The following PCDHGA6 variants were observed in gnomAD, a reference collection of about 807,000 sequenced individuals.
The protein encoded by PCDHGA6 is protocadherin gamma subfamily A, 6, also known as protocadherin gamma-A6.
In PCDHGA6, 41 loss-of-function variants were observed where a neutral mutation model predicts 60.6. The observed-to-expected ratio is 0.68, with a 90% CI of 0.53 to 0.88. The LOEUF (loss-of-function observed/expected upper bound fraction) is 0.88, where lower values mean the gene tolerates loss of function less well. Among genes scored for constraint, PCDHGA6 ranks in the 40% least tolerant of loss-of-function variants. The pLI is 0.00. For missense variants in PCDHGA6, 1,312 were observed against 1,203.0 expected (o/e 1.09, Z -1.34); for synonymous variants, 594 against 524.4 (o/e 1.13, Z -1.81).
rs1326296096 is a variant in PCDHGA6, at chr5:141,505,460, A to G, written c.2551A>G (p.Met851Val). The change falls in exon 3 of 4, where the codon ATG becomes GTG. Residue 851 changes from methionine to valine, a missense_variant. Transcript: ENST00000517434. Reference protein sequence around the residue: ...NQFDTEMLQAMILASASEAAD... With the variant: ...NQFDTEMLQAVILASASEAAD... ...GTTTGACACAGAGATGCTGCAAGCC[A>G]TGATCTTGGCGTCCGCCAGTGGTAA... 2 of 1,614,070 alleles carry G rather than the reference A, an allele frequency of 1.2e-6. No homozygotes were observed. The highest frequency in any genetic ancestry group is 1.3e-5 in the African/African-American group (1 of 74,942).
At chr5:141,420,412 T>G in intron 1 of PCDHGA6, 1 of 1,225,004 alleles carries the variant, frequency 8.2e-7, no homozygotes, top group African/African-American at 1.6e-5. Flanking sequence ...TGGTTATCAT[T>G]ATTAAAACAA....
intron 2 of PCDHGA6, among the ~76,000 whole-genome samples, 177 bp from the exon 3 acceptor site, chr5:141,505,216 T>C (rs547855353): frequency 1.1e-4 from 17 of 152,234 alleles, no homozygotes; most frequent in Non-Finnish European, 2.9e-5. Context: ...AGGGACTGAC[T>C]TGTGGGATTC....
At chr5:141,482,530 C>CAAAAAAAAAAAA (rs3074545) in intron 1 of PCDHGA6, among the ~76,000 whole-genome samples, 11 of 76,552 alleles carry the variant, frequency 1.4e-4, no homozygotes, top group African/African-American at 2.9e-4. Flanking sequence ...GACAGACATG[C>CAAAAAAAAAAAA]AAAAAAAAAA....
intron 1 of PCDHGA6, chr5:141,416,673 C>A (rs1259750007): frequency 6.6e-6 from 1 of 151,958 alleles, no homozygotes; most frequent in Non-Finnish European, 1.5e-5. Flanking sequence ...ATATATGCAA[C>A]GAAGGGAAAT....
At position 141,477,898 on chromosome 5, in the gene PCDHGA6, A is replaced by C; in HGVS notation, c.2425-16909A>C. The C allele has an allele frequency of 6.2e-7, 1 of 1,614,158 alleles. No individual in the cohort carries two copies. Among genetic ancestry groups the C allele is most frequent in the East Asian group, 2.2e-5 (1 of 44,864 alleles). ...CTGGCCACCTAGTGTCACGGGTGGT[A>C]GGCTGGGACGCGGATGCAGGGCACA... On this transcript the variant is annotated intron_variant, in intron 1 of 3. Transcript: ENST00000517434. This position sits in a 1 kb window ranked among gnomAD's most constrained non-coding sequence, Gnocchi z 4.9.
Position 141,476,008 on chromosome 5 carries a change from G to T in PCDHGA6, c.2425-18799G>T. 1 of 1,282,144 alleles carries T rather than the reference G, an allele frequency of 7.8e-7. No homozygotes were observed. Among genetic ancestry groups the T allele is most frequent in the Non-Finnish European group, 1.1e-6 (1 of 935,996 alleles). 79.4% of individuals were successfully genotyped at this position (1,282,144 alleles called of 1,614,324 possible). On this transcript the variant is annotated intron_variant, in intron 1 of 3. Coordinates refer to ENST00000517434, the MANE Select transcript of PCDHGA6 (RefSeq NM_018919.3). This position sits in a 1 kb window ranked among gnomAD's most constrained non-coding sequence, Gnocchi z 7.6. ...CGAGCAAATCAACGGCATCCAGAAA[G>T]CCATGTCGGACTCGGCGCCCAGCGC... is the stretch of plus-strand genomic sequence containing the variant.
chr5:141,413,211 G>A, intron 1 of PCDHGA6: 1 of 1,613,214 alleles, frequency 6.2e-7, no homozygotes, highest in South Asian at 1.1e-5. Context: ...AGGAATCAAA[G>A]GATTGCAGCG....
rs1366674805 is a variant in PCDHGA6, at chr5:141,375,065, C to T, written c.982C>T (p.Arg328Ter). Residue 328 changes from arginine (R) to a stop codon, truncating the protein, a stop_gained, in exon 1 of 4, where the codon CGA (arginine) becomes TGA (stop). Transcript: ENST00000517434. LOFTEE classifies it high-confidence loss of function. Reference protein sequence around the residue: ...GVEARDGPGLRDRAKVLITIL... With the variant: ...GVEARDGPGL ...TGAAGCCCGGGATGGGCCAGGTCTT[C>T]GAGACAGAGCGAAAGTCTTAATAAC... 36 of 1,613,814 alleles carry T rather than the reference C, an allele frequency of 2.2e-5. No homozygotes were observed. Among genetic ancestry groups the T allele is most frequent in the Middle Eastern group, 1.6e-4 (1 of 6,084 alleles).
rs549051669 is a variant in PCDHGA6, at chr5:141,450,866, C to A, written c.2425-43941C>A. 4.7e-5 allele frequency among the ~76,000 whole-genome samples: 7 copies of A among 149,836 alleles called. No homozygotes were observed. In the East Asian group the frequency reaches 1.4e-3, roughly 29 times the overall value. On this transcript the variant is annotated intron_variant, in intron 1 of 3. Transcript: ENST00000517434. ...TTGAGATGGGGTCTTGCTCTGTCAC[C>A]CAGGCTGGTGTGCAGTGGTGCGATA...
At position 141,374,866 on chromosome 5, in the gene PCDHGA6, G is replaced by T. The variant is rs956228027; in HGVS notation, c.783G>T (p.Val261=). 5 of 1,613,750 alleles carry T rather than the reference G, an allele frequency of 3.1e-6. No individual in the cohort carries two copies. The highest frequency in any genetic ancestry group is 4.2e-6 in the Non-Finnish European group (5 of 1,179,904). ...AAAACCTGCCAGTAGGCACACCAGTGTTGGCAGTGACTGCCACCGACCAGG... is the reference window on the plus strand; with the variant it reads ...AAAACCTGCCAGTAGGCACACCAGTTTTGGCAGTGACTGCCACCGACCAGG... ...VPENLPVGTP[V]LAVTATDQDE... The change falls in exon 1 of 4, where the codon GTG becomes GTT. Residue 261 remains valine, a synonymous_variant. Transcript: ENST00000517434.
chr5:141,383,108 G>A, intron 1 of PCDHGA6: 2 of 1,614,020 alleles, frequency 1.2e-6, no homozygotes, highest in African/African-American at 2.7e-5. Flanking sequence ...ATCTCCAGAG[G>A]TAGGACGCAG....
At position 141,491,346 on chromosome 5, in the gene PCDHGA6, T is replaced by A. The variant is rs760843553; in HGVS notation, c.2425-3461T>A. ...TCATTGTGGCTCTAGCGACCGTCAG[T>A]CTCTTATCCCTAGTCACCTTCACCT... On this transcript the variant is annotated intron_variant, in intron 1 of 3. Coordinates refer to ENST00000517434, the MANE Select transcript of PCDHGA6 (RefSeq NM_018919.3). This position sits in a 1 kb window ranked among gnomAD's most constrained non-coding sequence, Gnocchi z 6.9. The A allele has an allele frequency of 6.2e-7, 1 of 1,614,088 alleles. No individual in the cohort carries two copies. The highest frequency in any genetic ancestry group is 1.1e-5 in the South Asian group (1 of 91,080).
intron 1 of PCDHGA6, among the ~76,000 whole-genome samples, chr5:141,454,617 G>T (rs2098794218): frequency 6.6e-6 from 1 of 151,322 alleles, no homozygotes; most frequent in Non-Finnish European, 1.5e-5. Context: ...TGTTGGTCAG[G>T]CTGGTCTCGA....
chr5:141,494,431 T>C (rs1403792155), intron 1 of PCDHGA6, among the ~76,000 whole-genome samples: 1 of 152,158 alleles, frequency 6.6e-6, no homozygotes, highest in Non-Finnish European at 1.5e-5. Context: ...TTGAAAAGCC[T>C]CCTTTGCCAC....
chr5:141,423,802 C>A, intron 1 of PCDHGA6: 3 of 1,254,704 alleles, frequency 2.4e-6, no homozygotes, highest in South Asian at 2.9e-5. Context: ...TAGAGCAATA[C>A]ATGTGAGTTT....
intron 1 of PCDHGA6, among the ~76,000 whole-genome samples, chr5:141,451,571 A>G (rs2098719323): frequency 6.6e-6 from 1 of 152,188 alleles, no homozygotes; most frequent in Non-Finnish European, 1.5e-5. Context: ...CAATCTTTTT[A>G]TAAACCTAAT....
In PCDHGA6 at chr5:141,489,576, C is replaced by T; in HGVS notation, c.2425-5231C>T. 1.9e-6 allele frequency: 3 copies of T among 1,614,054 alleles called. No individual in the cohort carries two copies. Among genetic ancestry groups the T allele is most frequent in the Non-Finnish European group, 2.5e-6 (3 of 1,179,976 alleles). Reference sequence around the variant, plus strand: ...TGCCAGTGCAGGTGGTGACTGAACACCCCCTGGAGCTAATCCGTGTAGAGG... The same window carrying T: ...TGCCAGTGCAGGTGGTGACTGAACATCCCCTGGAGCTAATCCGTGTAGAGG... On this transcript the variant is annotated intron_variant, in intron 1 of 3. Coordinates refer to ENST00000517434, the MANE Select transcript of PCDHGA6 (RefSeq NM_018919.3). This position sits in a 1 kb window ranked among gnomAD's most constrained non-coding sequence, Gnocchi z 4.5.
chr5:141,476,716 C>T lies in PCDHGA6; in HGVS notation c.2425-18091C>T. On this transcript the variant is annotated intron_variant, in intron 1 of 3. Transcript: ENST00000517434. This position sits in a 1 kb window ranked among gnomAD's most constrained non-coding sequence, Gnocchi z 7.6. ...AGTACGCGGAGCTGGTGTTGGAGCG[C>T]GCCCTGGACCGAGAACGGGAGCCTA... 15 of 1,614,148 alleles carry T rather than the reference C, an allele frequency of 9.3e-6. No homozygotes were observed. The highest frequency in any genetic ancestry group is 1.3e-5 in the Non-Finnish European group (15 of 1,180,036).
intron 1 of PCDHGA6, chr5:141,414,831 G>A (rs1230752323): frequency 1.9e-6 from 3 of 1,614,212 alleles, no homozygotes; most frequent in Admixed American, 1.7e-5. Flanking sequence ...ACGTGTCGTT[G>A]AGCCTGTTTG....
Sources: allele counts gnomAD v4.1 joint callset (sites outside exome capture counted in the v4.1 genomes callset), GRCh38; gene constraint gnomAD v4.1.1; non-coding constraint Gnocchi (gnomAD v3.1); transcripts MANE v1.5; gene names NCBI Gene and HGNC (gene_info 2026-07-23, HGNC 2026-07-21).